DOCK1: variants seen among roughly 807,000 people sequenced by gnomAD.
DOCK1 encodes the protein dedicator of cytokinesis 1, also known as dedicator of cytokinesis protein 1.
Under a neutral mutation model 262.7 loss-of-function variants are expected in DOCK1, and 138 were observed. The ratio of observed to expected loss-of-function variants is 0.53; its 90% CI spans 0.46 to 0.61. DOCK1 has a LOEUF of 0.61. Among genes scored for constraint, DOCK1 ranks in the 20% least tolerant of loss-of-function variants. The probability of loss-of-function intolerance (pLI) is 0.00; values close to 1 mark genes in which losing one functional copy is unlikely to be tolerated. For synonymous variants in DOCK1, 866 were observed against 867.4 expected (o/e 1.00, Z 0.03); for missense variants, 1,908 against 2,370.7 (o/e 0.80, Z 4.05).
chr10:127,429,020 G>GTGCCGTGTGGATTGGGA (rs1565085535), intron 47 of DOCK1, among the ~76,000 whole-genome samples: 5 of 79,406 alleles, frequency 6.3e-5, no homozygotes, highest in South Asian at 4.1e-4. Flanking sequence ...GTGGATTGGG[G>GTGCCGTGTGGATTGGGA]TGCCGTGTGG....
intron 29 of DOCK1, among the ~76,000 whole-genome samples, chr10:127,333,590 C>T (rs1295484624): frequency 6.6e-6 from 1 of 152,188 alleles, no homozygotes; most frequent in Non-Finnish European, 1.5e-5. Context: ...GGGATGATCT[C>T]CCTCTGGAGC....
In DOCK1 at chr10:127,132,679, A is replaced by G. The variant is rs1396076658; in HGVS notation, c.2847+4915A>G. ...TTGGGTGTGTGTTTTTCCTAGAGTAAGAAGCACTCCAGGCTGAGATGAGAG... is the reference window on the plus strand; with the variant it reads ...TTGGGTGTGTGTTTTTCCTAGAGTAGGAAGCACTCCAGGCTGAGATGAGAG... On this transcript the variant is annotated intron_variant, in intron 27 of 51. Transcript: ENST00000623213. Among the ~76,000 whole-genome samples the G allele has an allele frequency of 7.2e-5, 11 of 152,136 alleles. No individual in the cohort carries two copies. In the East Asian group the frequency reaches 1.9e-3, roughly 27 times the overall value.
rs767175144 is a variant in DOCK1 at position 127,061,698 on chromosome 10, C to T, written c.2367C>T (p.Phe789=). The T allele has an allele frequency of 3.6e-5, 58 of 1,600,686 alleles. No individual in the cohort carries two copies. Among genetic ancestry groups the T allele is most frequent in the African/African-American group, 5.4e-5 (4 of 74,746 alleles). Reference sequence around the variant, plus strand: ...ATGAAAACAAGGGAGAGGCTGACTTCGTGGAATCTTTGCTGCAGCTCTTCA... The same window carrying T: ...ATGAAAACAAGGGAGAGGCTGACTTTGTGGAATCTTTGCTGCAGCTCTTCA... ...QLYENKGEAD[F]VESLLQLFRS... is the part of the protein sequence containing the mutation. The change falls in exon 23 of 52, where the codon TTC becomes TTT. Residue 789 remains phenylalanine, a synonymous_variant. Transcript: ENST00000623213.
At chr10:126,910,057 G>C (rs1311753883) in intron 1 of DOCK1, among the ~76,000 whole-genome samples, 1 of 152,304 alleles carries the variant, frequency 6.6e-6, no homozygotes, top group Middle Eastern at 3.4e-3. Flanking sequence ...TTGGGAGCGT[G>C]GGAGTTGATG....
chr10:127,391,361 G>A (rs113617894), intron 38 of DOCK1, among the ~76,000 whole-genome samples: 3 of 152,262 alleles, frequency 2.0e-5, no homozygotes, highest in African/African-American at 7.2e-5. Context: ...AGGCAAATAG[G>A]AGAGAGGTAG....
In DOCK1 at chr10:127,018,714, G is replaced by T. The variant is rs199995435; in HGVS notation, c.1206G>T (p.Leu402Phe). Reference sequence around the variant, plus strand: ...GAGCATCCATTGTTTTTCCAGGTTTGTGGGTAACATTGAAATTACTTCCTG... The same window carrying T: ...GAGCATCCATTGTTTTTCCAGGTTTTTGGGTAACATTGAAATTACTTCCTG... ...AKEVNHKGQG[L>F]WVTLKLLPGD... The change falls in exon 13 of 52, where the codon TTG becomes TTT. Residue 402 changes from leucine (L) to phenylalanine (F), a missense_variant. This residue lies in a region of DOCK1 where 294 missense variants were observed against 439.9 expected (regional missense o/e 0.67). Transcript: ENST00000623213. 6.2e-7 allele frequency: 1 copy of T among 1,614,052 alleles called. No homozygotes were observed. The highest frequency in any genetic ancestry group is 8.5e-7 in the Non-Finnish European group (1 of 1,179,910).
Position 127,008,811 on chromosome 10 carries a change from A to G in DOCK1, c.1058+7A>G. 6.3e-7 allele frequency: 1 copy of G among 1,594,612 alleles called. No individual in the cohort carries two copies. Among genetic ancestry groups the G allele is most frequent in the Non-Finnish European group, 8.6e-7 (1 of 1,169,326 alleles). On this transcript the variant is annotated splice_region_variant and intron_variant, in intron 11 of 51. Transcript: ENST00000623213. ...ATTTCATTCCCTTTCAGCCGTAAGT[A>G]TGGAGCAATTCAAGTACTTAGCCAG...
chr10:127,107,390 G>T (rs181622473), intron 24 of DOCK1, among the ~76,000 whole-genome samples: 14 of 152,284 alleles, frequency 9.2e-5, no homozygotes, highest in Non-Finnish European at 1.5e-5. Flanking sequence ...TCTGGGAGGC[G>T]CTGTCCCCCA....
intron 23 of DOCK1, among the ~76,000 whole-genome samples, chr10:127,069,142 C>T (rs867502616): frequency 1.6e-4 from 25 of 152,320 alleles, no homozygotes; most frequent in Middle Eastern, 3.4e-3. Flanking sequence ...CTTTCATTGG[C>T]GCCGTGTGTC....
chr10:127,302,797 A>G (rs2135442188), intron 29 of DOCK1, among the ~76,000 whole-genome samples: 1 of 149,984 alleles, frequency 6.7e-6, no homozygotes, highest in South Asian at 2.1e-4. Flanking sequence ...TATTGTCAAA[A>G]ACCAATGGAA....
At chr10:127,133,264 C>T (rs2050433090) in intron 27 of DOCK1, among the ~76,000 whole-genome samples, 4 of 152,112 alleles carry the variant, frequency 2.6e-5, no homozygotes. Flanking sequence ...AGACTCATAA[C>T]CAAATATTTT....
In DOCK1 at chr10:127,410,755, A is replaced by G. The variant is rs1196850657; in HGVS notation, c.4344-85A>G. 7 of 1,232,260 alleles carry G rather than the reference A, an allele frequency of 5.7e-6. No homozygotes were observed. The East Asian group carries it at 1.8e-4, about 31-fold the overall frequency. 76.3% of individuals were successfully genotyped at this position (1,232,260 alleles called of 1,614,324 possible). On this transcript the variant is annotated intron_variant, in intron 42 of 51. Transcript: ENST00000623213. ...GGGACATTTTACAGGAGGCAGTGAC[A>G]TGTTCTAAGGCCAGACCCCGTGTCC...
intron 9 of DOCK1, 27 bp downstream of exon 9, chr10:126,999,462 G>A (rs2040431488): frequency 6.3e-7 from 1 of 1,591,526 alleles, no homozygotes. Flanking sequence ...ATGCTTAGTT[G>A]AATTGGCTAC....
Position 127,012,259 on chromosome 10 carries a change from C to A in DOCK1, c.1086C>A (p.His362Gln), listed in dbSNP as rs541040061. Residue 362 changes from histidine (H) to glutamine (Q), a missense_variant, in exon 12 of 52, where the codon CAC becomes CAA. This residue lies in a region of DOCK1 where 57 missense variants were observed against 39.7 expected (regional missense o/e 1.44). Coordinates refer to ENST00000623213, the MANE Select transcript of DOCK1 (RefSeq NM_001290223.2). The surrounding 1 kb of genome is among the most constrained non-coding windows in gnomAD (Gnocchi z 4.0). Reference sequence around the variant, plus strand: ...TCGCGTTGGACGACGCCATTCGACACAAGCCGCTGAACATGTCATCCCGTT... The same window carrying A: ...TCGCGTTGGACGACGCCATTCGACAAAAGCCGCTGAACATGTCATCCCGTT... ...QPLALDDAIR[H>Q]KPLNMSSRFS... 1 of 1,611,042 alleles carries A rather than the reference C, an allele frequency of 6.2e-7. No individual in the cohort carries two copies. The highest frequency in any genetic ancestry group is 1.1e-5 in the South Asian group (1 of 91,010).
At chr10:126,924,419 GGGGGAGGC>G (rs2033510741) in intron 1 of DOCK1, among the ~76,000 whole-genome samples, 2 of 144,266 alleles carry the variant, frequency 1.4e-5, no homozygotes, top group African/African-American at 5.3e-5. Context: ...GAACTCAGTA[GGGGGAGGC>G]TGTGAGTGCT....
At chr10:127,381,920 A>G (rs975226089) in intron 37 of DOCK1, among the ~76,000 whole-genome samples, 37 of 152,064 alleles carry the variant, frequency 2.4e-4, no homozygotes, top group African/African-American at 8.2e-4. Context: ...TATTACTCAG[A>G]TAGCTTCAGA....
At chr10:127,397,065 G>A (rs1335058596) in intron 38 of DOCK1, among the ~76,000 whole-genome samples, 1 of 140,516 alleles carries the variant, frequency 7.1e-6, no homozygotes, top group Non-Finnish European at 1.5e-5. Flanking sequence ...CTGAGCATGA[G>A]TTACACGGGC....
intron 10 of DOCK1, among the ~76,000 whole-genome samples, chr10:127,002,678 C>A (rs1276200613): frequency 2.0e-5 from 3 of 152,184 alleles, no homozygotes; most frequent in Admixed American, 6.5e-5. Flanking sequence ...GTTTCTGGAG[C>A]CCCTACCTGT....
chr10:127,121,633 A>G (rs1592107895), intron 25 of DOCK1, among the ~76,000 whole-genome samples: 1 of 152,210 alleles, frequency 6.6e-6, no homozygotes, highest in Admixed American at 6.5e-5. Context: ...AGACAGAAAT[A>G]TAGAGTAAGA....
Sources: allele counts gnomAD v4.1 joint callset (sites outside exome capture counted in the v4.1 genomes callset), GRCh38; gene constraint gnomAD v4.1.1; regional missense constraint gnomAD v4.1.1; non-coding constraint Gnocchi (gnomAD v3.1); transcripts MANE v1.5; gene names NCBI Gene and HGNC (gene_info 2026-07-23, HGNC 2026-07-21).